ESRRB: variants seen among roughly 807,000 people sequenced by gnomAD.
ESRRB encodes the protein steroid hormone receptor ERR2.
In ESRRB, 16 loss-of-function variants were observed where a neutral mutation model predicts 46.0. That is an observed-to-expected ratio of 0.35 (90% CI 0.24 to 0.53). The LOEUF is 0.53. Ranked by LOEUF, ESRRB falls within the 20% of genes least tolerant of loss-of-function variation. ESRRB has a pLI of 0.93. For missense variants in ESRRB, 488 were observed against 607.4 expected (o/e 0.80, Z 2.07); for synonymous variants, 246 against 259.6 (o/e 0.95, Z 0.50).
At chr14:76,403,471 T>A (rs1886028635) in intron 1 of ESRRB, among the ~76,000 whole-genome samples, 1 of 152,086 alleles carries the variant, frequency 6.6e-6, no homozygotes, top group South Asian at 2.1e-4. Flanking sequence ...AATGAAGAGA[T>A]GAGGGAATGG....
Position 76,501,093 on chromosome 14 carries a change from T to G in ESRRB, c.*2635T>G. 1 of 293,778 alleles carries G rather than the reference T, an allele frequency of 3.4e-6. No homozygotes were observed. Among genetic ancestry groups the G allele is most frequent in the Non-Finnish European group, 6.5e-6 (1 of 155,010 alleles). The allele number at this position is 293,778 out of a possible 1,614,324, so 18.2% of individuals were successfully genotyped here. On this transcript the variant is annotated 3_prime_UTR_variant, in exon 7 of 7. Transcript: ENST00000644823. ...GAAGTGAGGAGAGTTTAGGGGAACC[T>G]TCCCCCAGTGGAACAGATCTCAAGT... is the stretch of plus-strand genomic sequence containing the variant.
intron 1 of ESRRB, among the ~76,000 whole-genome samples, chr14:76,348,156 A>G (rs1884271786): frequency 6.6e-6 from 1 of 152,170 alleles, no homozygotes; most frequent in South Asian, 2.1e-4. Context: ...TAGCCACTTC[A>G]AGGTGGCACA....
chr14:76,376,548 A>T lies in ESRRB; in HGVS notation c.50+97A>T. 6 of 906,472 alleles carry T rather than the reference A, an allele frequency of 6.6e-6. No individual in the cohort carries two copies. The highest frequency in any genetic ancestry group is 7.2e-6 in the Non-Finnish European group (5 of 695,814). The allele number at this position is 906,472 out of a possible 1,614,324, so 56.2% of individuals were successfully genotyped here. On this transcript the variant is annotated intron_variant, in intron 1 of 6. Transcript: ENST00000644823. The surrounding 1 kb of genome is among the most constrained non-coding windows in gnomAD (Gnocchi z 4.1). ...CCTTTTCTGCACATTCTTGTGTAAA[A>T]GTGGAAGGGACTTCGGGGGGGCACT...
intron 1 of ESRRB, among the ~76,000 whole-genome samples, chr14:76,413,866 A>ACCGCTGCACCGTCCCCCG (rs1886548243): frequency 3.8e-4 from 2 of 5,210 alleles, no homozygotes; most frequent in Non-Finnish European, 7.6e-4. Context: ...CACCATCCCC[A>ACCGCTGCACCGTCCCCCG]CCCCTGCACC....
At chr14:76,459,282 G>C (rs1159673294) in intron 2 of ESRRB, among the ~76,000 whole-genome samples, 1 of 152,042 alleles carries the variant, frequency 6.6e-6, no homozygotes, top group Non-Finnish European at 1.5e-5. Context: ...TGTGCGCATT[G>C]AGCGGCTGGG....
At chr14:76,322,871 A>T (rs1883884378) in intron 1 of ESRRB, among the ~76,000 whole-genome samples, 1 of 152,180 alleles carries the variant, frequency 6.6e-6, no homozygotes, top group Non-Finnish European at 1.5e-5. Flanking sequence ...CACATTGCTG[A>T]GGAGAGTTAT....
At chr14:76,389,077 T>C (rs1477827252) in intron 1 of ESRRB, among the ~76,000 whole-genome samples, 2 of 152,218 alleles carry the variant, frequency 1.3e-5, no homozygotes, top group Non-Finnish European at 2.9e-5. Context: ...AGTTCTTCCC[T>C]CCTGCTCTTC....
intron 6 of ESRRB, chr14:76,495,327 A>G (rs1166146634): frequency 6.6e-6 from 1 of 151,962 alleles, no homozygotes; most frequent in Non-Finnish European, 1.5e-5. Flanking sequence ...ACATGTAGAG[A>G]GCCATCCTGC....
chr14:76,463,017 G>A (rs957593315), intron 3 of ESRRB, among the ~76,000 whole-genome samples: 1 of 152,180 alleles, frequency 6.6e-6, no homozygotes, highest in African/African-American at 2.4e-5. Flanking sequence ...AAGGGCTTGG[G>A]GGTGAAAAGG....
intron 2 of ESRRB, among the ~76,000 whole-genome samples, chr14:76,457,957 G>T (rs754072107): frequency 3.3e-5 from 5 of 152,142 alleles, no homozygotes; most frequent in Non-Finnish European, 5.9e-5. Flanking sequence ...TTAGAAGTGT[G>T]AGCCACTGCG....
chr14:76,323,061 G>A (rs1883886722), intron 1 of ESRRB, among the ~76,000 whole-genome samples: 1 of 152,130 alleles, frequency 6.6e-6, no homozygotes, highest in South Asian at 2.1e-4. Context: ...AATGCAGTGG[G>A]TGGGGGGCGT....
chr14:76,385,956 A>G (rs543013321), intron 1 of ESRRB, among the ~76,000 whole-genome samples: 75 of 152,354 alleles, frequency 4.9e-4, no homozygotes, highest in African/African-American at 1.7e-3. Flanking sequence ...GAGGACAAGC[A>G]CCAGGCATAT....
intron 2 of ESRRB, among the ~76,000 whole-genome samples, chr14:76,456,608 C>T (rs981054304): frequency 2.0e-5 from 3 of 152,084 alleles, no homozygotes; most frequent in Admixed American, 6.6e-5. Flanking sequence ...GGTGGCTAGT[C>T]GTCCCTTTGA....
intron 1 of ESRRB, among the ~76,000 whole-genome samples, chr14:76,312,549 G>A (rs1883751126): frequency 6.6e-6 from 1 of 151,038 alleles, no homozygotes; most frequent in Non-Finnish European, 1.5e-5. Flanking sequence ...GCGTACAAGG[G>A]GGTAAATGTC....
At chr14:76,494,307 CT>C (rs34982499) in intron 6 of ESRRB, among the ~76,000 whole-genome samples, 14,797 of 142,158 alleles carry the variant, frequency 0.1, 1,447 homozygotes, top group African/African-American at 0.27. Context: ...TACAGAATAA[CT>C]TTTTTTTTTT....
intron 3 of ESRRB, among the ~76,000 whole-genome samples, chr14:76,466,218 C>T (rs901005786): frequency 2.4e-4 from 36 of 152,150 alleles, no homozygotes; most frequent in Non-Finnish European, 5.0e-4. Flanking sequence ...GGGCTGCAGA[C>T]GGAGAGATGT....
chr14:76,427,792 C>T (rs986279977), intron 1 of ESRRB, among the ~76,000 whole-genome samples: 4 of 152,100 alleles, frequency 2.6e-5, no homozygotes, highest in African/African-American at 4.8e-5. Context: ...ATGAATACTA[C>T]GATGAATACT....
At chr14:76,440,697 CTCTT>C (rs1337078692) in intron 2 of ESRRB, among the ~76,000 whole-genome samples, 3 of 151,610 alleles carry the variant, frequency 2.0e-5, no homozygotes, top group South Asian at 2.1e-4. Flanking sequence ...CTCTCTCACT[CTCTT>C]TCTTTTTCTT....
rs569203861 is a variant in ESRRB, at chr14:76,328,178, TCCAGTACTCATG to T, written c.2+17266_2+17277del. Among the ~76,000 whole-genome samples, 8 of 152,198 alleles carry T rather than the reference TCCAGTACTCATG, an allele frequency of 5.3e-5. No individual in the cohort carries two copies. In the South Asian group the frequency reaches 1.7e-3, roughly 32 times the overall value. On this transcript the variant is annotated intron_variant, in intron 1 of 6. Coordinates refer to the ESRRB transcript ENST00000512784. ...AGGCCGGTGGTCAGAGCACCCTCAGTCCAGTACTCATGCCAATATAGGACCTCAGCAAGGAGG... is the reference window on the plus strand; with the variant it reads ...AGGCCGGTGGTCAGAGCACCCTCAGTCCAATATAGGACCTCAGCAAGGAGG...
Sources: gnomAD v4.1 joint callset for allele counts (sites outside exome capture counted in the v4.1 genomes callset) on GRCh38, gnomAD v4.1.1 for gene constraint, Gnocchi (gnomAD v3.1) non-coding constraint, MANE v1.5 for transcripts, NCBI Gene and HGNC (gene_info 2026-07-23, HGNC 2026-07-21) for gene names.